Variants in ZNF586 observed in about 807,000 individuals in gnomAD.
The protein encoded by ZNF586 is zinc finger protein 586.
ZNF586 carries 7 observed loss-of-function variants against 6.7 expected under a neutral mutation model. That is an observed-to-expected ratio of 1.04 (90% CI 0.59 to 1.95). The LOEUF (loss-of-function observed/expected upper bound fraction) is 1.95. Among genes scored for constraint, ZNF586 ranks in the 30% most tolerant of loss-of-function variants. ZNF586 has a pLI of 0.00. For missense variants in ZNF586, 442 were observed against 489.6 expected, an observed-to-expected ratio of 0.90 and a Z score of 0.92; for synonymous variants, 166 against 168.7, an observed-to-expected ratio of 0.98 and a Z score of 0.12.
At chr19:57,773,770 T>C (rs1017604275) in intron 1 of ZNF586, among the ~76,000 whole-genome samples, 48 of 152,252 alleles carry the variant, frequency 3.2e-4, no homozygotes, top group Non-Finnish European at 6.6e-4. Flanking sequence ...CTTTGTGGCC[T>C]CACCAAGATT....
At chr19:57,776,991 C>T (rs1032872884) in intron 2 of ZNF586, among the ~76,000 whole-genome samples, 8 of 152,170 alleles carry the variant, frequency 5.3e-5, no homozygotes, top group African/African-American at 1.9e-4. Flanking sequence ...TTCCGTTTCC[C>T]TCCTTTAGTT....
chr19:57,771,314 AAAGAG>A (rs1430386137), intron 1 of ZNF586, among the ~76,000 whole-genome samples: 2 of 150,998 alleles, frequency 1.3e-5, no homozygotes, highest in East Asian at 2.0e-4. Context: ...AAAAAAAAAA[AAAGAG>A]AGAGAGAGAG....
rs181153446 is a variant in ZNF586, at chr19:57,769,943, G to A, written c.36+65G>A. ...CCCAGACCCTGAGGCCCCTGATCGT[G>A]AGGGCCGCCTCCTCGCGTCCCTGCA... On this transcript the variant is annotated intron_variant, in intron 1 of 2. Transcript: ENST00000396154. 1,055 of 1,355,554 alleles carry A rather than the reference G, an allele frequency of 7.8e-4. 13 individuals are homozygous for A. In the East Asian group the frequency reaches 0.028, roughly 36 times the overall value. 84.0% of individuals were successfully genotyped at this position (1,355,554 alleles called of 1,614,324 possible).
At chr19:57,778,620 A>G in intron 2 of ZNF586, 131 bp from the exon 3 acceptor site, 1 of 801,454 alleles carries the variant, frequency 1.2e-6, no homozygotes, top group Non-Finnish European at 1.9e-6. Flanking sequence ...CCCAACCTCA[A>G]CCTGAACCCA....
intron 1 of ZNF586, among the ~76,000 whole-genome samples, chr19:57,773,399 C>CT (rs1555766661): frequency 8.4e-6 from 1 of 119,112 alleles, no homozygotes; most frequent in East Asian, 2.3e-4. Flanking sequence ...GTTTCTTCTT[C>CT]TTCTTTTTTT....
rs201188503 is a variant in ZNF586 at position 57,779,515 on chromosome 19, C to A, written c.928C>A (p.Arg310=). ...SLRSNLIHHQ[R]VHTGERHECG... is the part of the protein sequence containing the mutation. ...AAGGTCCAACCTCATTCACCATCAGCGAGTTCATACTGGAGAAAGGCATGA... is the reference window on the plus strand; with the variant it reads ...AAGGTCCAACCTCATTCACCATCAGAGAGTTCATACTGGAGAAAGGCATGA... Residue 310 remains arginine (R), a synonymous_variant, in exon 3 of 3, where the codon CGA becomes AGA. Transcript: ENST00000396154. The A allele has an allele frequency of 6.2e-7, 1 of 1,613,656 alleles. No homozygotes were observed. Among genetic ancestry groups the A allele is most frequent in the Non-Finnish European group, 8.5e-7 (1 of 1,179,958 alleles).
Position 57,779,790 on chromosome 19 carries a change from T to A in ZNF586, c.1203T>A (p.Tyr401Ter), listed in dbSNP as rs192302381. ...GAGTTCATACTGGAATGAGGCCTTA[T>A]AAGTGAAGCAAATTTTGGAAATTCT... Reference protein sequence around the residue: ...HQRVHTGMRPYK With the variant: ...HQRVHTGMRP The change falls in exon 3 of 3, where the codon TAT becomes TAA. Residue 401 changes from tyrosine (Y) to a stop codon, truncating the protein, a stop_gained. Transcript: ENST00000396154. LOFTEE classifies it high-confidence loss of function. 436 of 1,570,696 alleles carry A rather than the reference T, an allele frequency of 2.8e-4. 1 individual carries two copies. The highest frequency in any genetic ancestry group is 6.0e-4 in the Admixed American group (32 of 52,918).
At position 57,779,296 on chromosome 19, in the gene ZNF586, A is replaced by C. The variant is rs1987320283; in HGVS notation, c.709A>C (p.Ser237Arg). The C allele has an allele frequency of 6.8e-6, 11 of 1,614,062 alleles. No homozygotes were observed. Among genetic ancestry groups the C allele is most frequent in the Non-Finnish European group, 9.3e-6 (11 of 1,180,038 alleles). Reference protein sequence around the residue: ...IHTGERPYECSECGRSFAENS... With the variant: ...IHTGERPYECRECGRSFAENS... ...CACTGGAGAGAGGCCTTATGAGTGC[A>C]GTGAATGTGGGAGATCCTTTGCTGA... is the stretch of plus-strand genomic sequence containing the variant. Residue 237 changes from serine to arginine, a missense_variant, in exon 3 of 3, where the codon AGT becomes CGT. Transcript: ENST00000396154.
chr19:57,775,235 TCTGC>T (rs1987204976), intron 1 of ZNF586, among the ~76,000 whole-genome samples: 1 of 152,134 alleles, frequency 6.6e-6, no homozygotes, highest in Admixed American at 6.5e-5. Context: ...GACCTCGTGA[TCTGC>T]CCACCTCGGC....
intron 1 of ZNF586, among the ~76,000 whole-genome samples, chr19:57,772,621 C>T (rs1205572081): frequency 6.6e-6 from 1 of 151,912 alleles, no homozygotes; most frequent in Non-Finnish European, 1.5e-5. Flanking sequence ...CTTTAATTTG[C>T]CAGTTTATTT....
chr19:57,778,856 G>C lies in ZNF586; in HGVS notation c.269G>C (p.Cys90Ser). Residue 90 changes from cysteine (C) to serine (S), a missense_variant, in exon 3 of 3, where the codon TGT (cysteine) becomes TCT (serine). Physicochemically the swap from Cys to Ser is moderately radical, Grantham distance 112. Transcript: ENST00000396154. ...GGHSGERPYE[C>S]GEYRKLFKNK... Reference sequence around the variant, plus strand: ...CATAGTGGAGAAAGGCCTTATGAGTGTGGGGAATATAGGAAATTATTTAAG... The same window carrying C: ...CATAGTGGAGAAAGGCCTTATGAGTCTGGGGAATATAGGAAATTATTTAAG... 2 of 1,614,176 alleles carry C rather than the reference G, an allele frequency of 1.2e-6. No individual in the cohort carries two copies. The highest frequency in any genetic ancestry group is 2.7e-5 in the African/African-American group (2 of 75,038).
chr19:57,774,723 T>G (rs561307962), intron 1 of ZNF586: 1 of 984,618 alleles, frequency 1.0e-6, no homozygotes, highest in East Asian at 1.1e-4. Context: ...TGAGAAACAT[T>G]GGAATTCTGT....
rs1987343257 is a variant in ZNF586 at position 57,779,820 on chromosome 19, C to G, written c.*24C>G. The G allele has an allele frequency of 6.5e-7, 1 of 1,549,392 alleles. No homozygotes were observed. Among genetic ancestry groups the G allele is most frequent in the Admixed American group, 1.9e-5 (1 of 51,458 alleles). The stretch of plus-strand genomic sequence containing the variant: ...GAAGCAAATTTTGGAAATTCTCTTG[C>G]CCAGGCTTTTTGCTCCTTCAAGGCC... On this transcript the variant is annotated 3_prime_UTR_variant, in exon 3 of 3. Coordinates refer to ENST00000396154, the MANE Select transcript of ZNF586 (RefSeq NM_017652.4).
At chr19:57,776,509 C>A (rs1381194886) in intron 1 of ZNF586, 34 bp from the exon 2 acceptor site, 1 of 1,595,516 alleles carries the variant, frequency 6.3e-7, no homozygotes, top group Non-Finnish European at 8.5e-7. Flanking sequence ...AGCATAGGGG[C>A]CATTTGTGGT....
chr19:57,770,023 G>A, intron 1 of ZNF586, 145 bp downstream of exon 1: 2 of 776,244 alleles, frequency 2.6e-6, no homozygotes, highest in Non-Finnish European at 3.9e-6. Flanking sequence ...CCCTGTTTCC[G>A]ACACCCAGTT....
In ZNF586 at chr19:57,779,006, A is replaced by AT; in HGVS notation, c.420dup (p.Glu141Ter). On this transcript the variant is annotated frameshift_variant, in exon 3 of 3. Transcript: ENST00000396154. LOFTEE classifies it low-confidence loss of function (END_TRUNC). ...CACCAAAAGCCTACACTCCATATTCATGAGAGATTTCATACTGGGCAAAAG... is the reference window on the plus strand; with the variant it reads ...CACCAAAAGCCTACACTCCATATTCATTGAGAGATTTCATACTGGGCAAAAG... 6.2e-7 allele frequency: 1 copy of AT among 1,614,158 alleles called. No individual in the cohort carries two copies. Among genetic ancestry groups the AT allele is most frequent in the Non-Finnish European group, 8.5e-7 (1 of 1,180,024 alleles).
chr19:57,778,468 C>T (rs1035054429), intron 2 of ZNF586, among the ~76,000 whole-genome samples: 5 of 152,082 alleles, frequency 3.3e-5, no homozygotes, highest in Admixed American at 6.6e-5. Context: ...AGTACTCACA[C>T]GTCATCAGCA....
At chr19:57,770,259 C>T (rs575288038) in intron 1 of ZNF586, among the ~76,000 whole-genome samples, 11 of 148,576 alleles carry the variant, frequency 7.4e-5, no homozygotes, top group Middle Eastern at 3.6e-3. Flanking sequence ...CCGGTTCAAG[C>T]GATTCTCCTG....
At chr19:57,773,655 G>C (rs1220473590) in intron 1 of ZNF586, among the ~76,000 whole-genome samples, 1 of 152,216 alleles carries the variant, frequency 6.6e-6, no homozygotes, top group East Asian at 1.9e-4. Context: ...AGTTTGGCAA[G>C]TGACATAATG....
Sources: gnomAD v4.1 joint callset for allele counts (sites outside exome capture counted in the v4.1 genomes callset) on GRCh38, gnomAD v4.1.1 for gene constraint, MANE v1.5 for transcripts, NCBI Gene and HGNC (gene_info 2026-07-23, HGNC 2026-07-21) for gene names.